Variants in NOL10 observed in about 807,000 individuals in gnomAD.
The protein encoded by NOL10 is nucleolar protein 10.
Under a neutral mutation model 103.5 loss-of-function variants are expected in NOL10, and 58 were observed. The ratio of observed to expected loss-of-function variants is 0.56; its 90% CI spans 0.45 to 0.70. The LOEUF is 0.70. NOL10 is among the 30% of genes least tolerant of loss of function. The probability of loss-of-function intolerance (pLI) is 0.00; values close to 1 mark genes in which losing one functional copy is unlikely to be tolerated. For missense variants in NOL10, 763 were observed against 807.3 expected, an observed-to-expected ratio of 0.95 and a Z score of 0.67; for synonymous variants, 287 against 282.5, an observed-to-expected ratio of 1.02 and a Z score of -0.16.
Position 10,589,167 on chromosome 2 carries a change from CTTT to C in NOL10, c.1717_1719del (p.Lys573del). ...TCCTTGAGTCGTTCCTGCCGCTTCACTTTTTCCTCCTGCTGGAGGAGTCTGCGT... is the reference window on the plus strand; with the variant it reads ...TCCTTGAGTCGTTCCTGCCGCTTCACTTCCTCCTGCTGGAGGAGTCTGCGT... On this transcript the variant is annotated inframe_deletion, in exon 19 of 21. Transcript: ENST00000381685. 1 of 1,614,040 alleles carries C rather than the reference CTTT, an allele frequency of 6.2e-7. No individual in the cohort carries two copies. Among genetic ancestry groups the C allele is most frequent in the Non-Finnish European group, 8.5e-7 (1 of 1,179,890 alleles).
intron 17 of NOL10, among the ~76,000 whole-genome samples, chr2:10,596,256 T>TG (rs1675685987): frequency 5.0e-5 from 1 of 19,906 alleles, no homozygotes; most frequent in South Asian, 1.7e-3. Context: ...CAGATGGTGG[T>TG]GGGGGGCGGG....
At chr2:10,604,299 C>CT (rs1363939952) in intron 14 of NOL10, among the ~76,000 whole-genome samples, 2 of 152,126 alleles carry the variant, frequency 1.3e-5, no homozygotes, top group African/African-American at 4.8e-5. Flanking sequence ...AAGCATTACT[C>CT]TAATTTCCAA....
intron 13 of NOL10, among the ~76,000 whole-genome samples, chr2:10,610,934 C>G (rs1487712581): frequency 6.6e-6 from 1 of 152,190 alleles, no homozygotes; most frequent in Non-Finnish European, 1.5e-5. Context: ...ATGCTTCAGT[C>G]ATACCATGTT....
At chr2:10,683,280 C>G (rs567272896) in intron 2 of NOL10, among the ~76,000 whole-genome samples, 53 of 151,808 alleles carry the variant, frequency 3.5e-4, no homozygotes, top group Non-Finnish European at 7.4e-4. Flanking sequence ...AACTTGTGCA[C>G]CAAAATTATT....
intron 13 of NOL10, among the ~76,000 whole-genome samples, chr2:10,618,846 T>C (rs6732429): frequency 0.37 from 56,983 of 152,096 alleles, 11,035 homozygotes; most frequent in Non-Finnish European, 0.4. Context: ...CTGAAAAGAC[T>C]ATGCCTACAC....
chr2:10,607,991 C>T (rs1676347324), intron 13 of NOL10, among the ~76,000 whole-genome samples: 1 of 151,972 alleles, frequency 6.6e-6, no homozygotes, highest in African/African-American at 2.4e-5. Flanking sequence ...TAGTTAATGG[C>T]AATATATTGT....
At chr2:10,623,620 T>C (rs559804946) in intron 13 of NOL10, among the ~76,000 whole-genome samples, 1 of 152,354 alleles carries the variant, frequency 6.6e-6, no homozygotes, top group South Asian at 2.1e-4. Flanking sequence ...AGTGCAGTTT[T>C]TGATATCCCA....
Position 10,644,521 on chromosome 2 carries a change from T to TA in NOL10, c.974-150dup, listed in dbSNP as rs145788606. 5.2e-3 allele frequency: 2,891 copies of TA among 550,946 alleles called. 70 individuals carry two copies. The African/African-American group carries it at 0.053, about 10-fold the overall frequency. 34.1% of individuals were successfully genotyped at this position (550,946 alleles called of 1,614,324 possible). ...CCCACAAAATGTCACAGCAAATTCC[T>TA]AACTTTTACAAAACAAATTCGAATT... On this transcript the variant is annotated intron_variant, in intron 12 of 20. Coordinates refer to ENST00000381685, the MANE Select transcript of NOL10 (RefSeq NM_024894.4).
intron 1 of NOL10, among the ~76,000 whole-genome samples, chr2:10,689,506 AG>A (rs1682465229): frequency 6.6e-6 from 1 of 152,188 alleles, no homozygotes; most frequent in Non-Finnish European, 1.5e-5. Flanking sequence ...ACACCCAAAG[AG>A]GCCCAAATGG....
At position 10,675,779 on chromosome 2, in the gene NOL10, T is replaced by C. The variant is rs752941073; in HGVS notation, c.289+15A>G. Reference sequence around the variant, plus strand: ...AAAGCCATTTTCATGAATTCAAATTTAGCTTTTTACTCACCTTCTGAATCT... The same window carrying C: ...AAAGCCATTTTCATGAATTCAAATTCAGCTTTTTACTCACCTTCTGAATCT... On this transcript the variant is annotated intron_variant, in intron 4 of 20. Transcript: ENST00000381685. The C allele has an allele frequency of 1.2e-5, 18 of 1,459,698 alleles. No homozygotes were observed. In the South Asian group the frequency reaches 2.2e-4, roughly 18 times the overall value. 90.4% of individuals were successfully genotyped at this position (1,459,698 alleles called of 1,614,324 possible).
intron 13 of NOL10, among the ~76,000 whole-genome samples, chr2:10,635,091 T>C (rs1678112583): frequency 6.6e-6 from 1 of 152,192 alleles, no homozygotes; most frequent in African/African-American, 2.4e-5. Flanking sequence ...GAGACCCAAG[T>C]CTAAACATGA....
At chr2:10,674,999 T>C (rs1681205849) in intron 4 of NOL10, among the ~76,000 whole-genome samples, 1 of 152,140 alleles carries the variant, frequency 6.6e-6, no homozygotes, top group Non-Finnish European at 1.5e-5. Flanking sequence ...GGCCAGGAGC[T>C]TGAGACCAGC....
intron 13 of NOL10, among the ~76,000 whole-genome samples, chr2:10,618,633 G>A (rs1222877024): frequency 3.9e-5 from 6 of 152,174 alleles, no homozygotes; most frequent in South Asian, 2.1e-4. Flanking sequence ...CCAGGAAGGC[G>A]GCCCAGTTAA....
At chr2:10,660,181 G>A (rs1680104696) in intron 9 of NOL10, among the ~76,000 whole-genome samples, 1 of 152,198 alleles carries the variant, frequency 6.6e-6, no homozygotes, top group Admixed American at 6.5e-5. Flanking sequence ...GCTTGAGCCT[G>A]TAACTGCGCT....
chr2:10,640,534 A>C (rs1678629948), intron 13 of NOL10, among the ~76,000 whole-genome samples: 1 of 152,184 alleles, frequency 6.6e-6, no homozygotes, highest in African/African-American at 2.4e-5. Context: ...GTTAAATCTC[A>C]GGTAGAAAGT....
chr2:10,571,790 AC>A lies in NOL10; in HGVS notation c.*280del. 3.5e-6 allele frequency: 1 copy of A among 282,964 alleles called. No individual in the cohort carries two copies. The highest frequency in any genetic ancestry group is 6.5e-6 in the Non-Finnish European group (1 of 154,400). 17.5% of individuals were successfully genotyped at this position (282,964 alleles called of 1,614,324 possible). Reference sequence around the variant, plus strand: ...GTGTACATTTCACAATATTAAAAAAACCCCAGCCTGGTTTTCATGATTAACG... The same window carrying A: ...GTGTACATTTCACAATATTAAAAAAACCCAGCCTGGTTTTCATGATTAACG... On this transcript the variant is annotated 3_prime_UTR_variant, in exon 21 of 21. Coordinates refer to ENST00000381685, the MANE Select transcript of NOL10 (RefSeq NM_024894.4).
intron 12 of NOL10, among the ~76,000 whole-genome samples, chr2:10,646,749 A>G (rs988973433): frequency 6.6e-6 from 1 of 152,246 alleles, no homozygotes; most frequent in African/African-American, 2.4e-5. Context: ...GCTAGTAAGT[A>G]GAGCCACTGA....
chr2:10,650,988 A>C (rs1165709417), intron 12 of NOL10, among the ~76,000 whole-genome samples: 5 of 152,134 alleles, frequency 3.3e-5, no homozygotes, highest in Non-Finnish European at 2.9e-5. Context: ...TCTGAGCCTG[A>C]GTATTTCTCA....
At chr2:10,644,969 A>G (rs1010891575) in intron 12 of NOL10, among the ~76,000 whole-genome samples, 1 of 152,222 alleles carries the variant, frequency 6.6e-6, no homozygotes, top group East Asian at 1.9e-4. Context: ...CAGCTCCAAC[A>G]TGGCAATATG....
Sources: allele counts gnomAD v4.1 joint callset (sites outside exome capture counted in the v4.1 genomes callset), GRCh38; gene constraint gnomAD v4.1.1; transcripts MANE v1.5; gene names NCBI Gene and HGNC (gene_info 2026-07-23, HGNC 2026-07-21).